The following A2ML1 variants were observed in gnomAD, a reference collection of about 807,000 sequenced individuals.
The protein encoded by A2ML1 is alpha-2-macroglobulin-like protein 1.
In A2ML1, 161 loss-of-function variants were observed where a neutral mutation model predicts 181.9. That is an observed-to-expected ratio of 0.89 (90% CI 0.78 to 1.01). A2ML1 has a LOEUF of 1.01. Among genes scored for constraint, A2ML1 ranks in the 50% least tolerant of loss-of-function variants. A2ML1 has a pLI of 0.00. For synonymous variants in A2ML1, 663 were observed against 666.8 expected (o/e 0.99, Z 0.09); for missense variants, 1,670 against 1,768.1 (o/e 0.94, Z 1.00).
intron 3 of A2ML1, among the ~76,000 whole-genome samples, chr12:8,826,190 T>C (rs1942923559): frequency 6.6e-6 from 1 of 152,190 alleles, no homozygotes; most frequent in Non-Finnish European, 1.5e-5. Flanking sequence ...AATGAACCTG[T>C]AGATTGCCTT....
At position 8,843,368 on chromosome 12, in the gene A2ML1, C is replaced by T; in HGVS notation, c.1476+7C>T. 6.2e-7 allele frequency: 1 copy of T among 1,611,490 alleles called. No homozygotes were observed. Among genetic ancestry groups the T allele is most frequent in the Non-Finnish European group, 8.5e-7 (1 of 1,177,884 alleles). Reference sequence around the variant, plus strand: ...GATCAGCTTCTCCTACTATGTGAGACCGGGAAACGGGGACGGGTGAGAGTA... The same window carrying T: ...GATCAGCTTCTCCTACTATGTGAGATCGGGAAACGGGGACGGGTGAGAGTA... On this transcript the variant is annotated splice_region_variant and intron_variant, in intron 12 of 35. Transcript: ENST00000299698.
At chr12:8,886,010 T>TCACA (rs35294269) in intron 7 of A2ML1, among the ~76,000 whole-genome samples, 7,082 of 144,818 alleles carry the variant, frequency 0.049, 190 homozygotes, top group Middle Eastern at 0.12. Context: ...CAACAATATC[T>TCACA]CACACACACA....
intron 34 of A2ML1, 73 bp downstream of exon 34, chr12:8,874,600 A>T (rs1161724859): frequency 3.4e-6 from 4 of 1,172,118 alleles, no homozygotes; most frequent in Non-Finnish European, 5.0e-6. Flanking sequence ...CTCATTCTTC[A>T]TGGCTTCTCT....
chr12:8,828,120 T>G (rs1317691040), intron 3 of A2ML1, among the ~76,000 whole-genome samples: 1 of 152,110 alleles, frequency 6.6e-6, no homozygotes, highest in African/African-American at 2.4e-5. Context: ...CTGCCCATGT[T>G]TGCTCAAGGC....
rs1944103529 is a variant in A2ML1 at position 8,857,354 on chromosome 12, GTCTT to G, written c.3025+23_3025+26del. The stretch of plus-strand genomic sequence containing the variant: ...TCCTGGAAATAGGTAAGTTGGTTCA[GTCTT>G]TCTTTCTTGAACACTCTCCTCCACT... On this transcript the variant is annotated intron_variant, in intron 24 of 35. Coordinates refer to ENST00000299698, the MANE Select transcript of A2ML1 (RefSeq NM_144670.6). 1.9e-6 allele frequency: 3 copies of G among 1,613,522 alleles called. No individual in the cohort carries two copies. Among genetic ancestry groups the G allele is most frequent in the Non-Finnish European group, 2.5e-6 (3 of 1,179,798 alleles).
intron 18 of A2ML1, among the ~76,000 whole-genome samples, chr12:8,850,573 A>G (rs994720624): frequency 2.0e-5 from 3 of 152,126 alleles, no homozygotes; most frequent in African/African-American, 7.2e-5. Flanking sequence ...ACCCTTCTCA[A>G]AATCAACAAC....
rs1047804070 is a variant in A2ML1, at chr12:8,834,923, C to T, written c.483+241C>T. The T allele has an allele frequency of 1.1e-5, 6 of 541,246 alleles. No individual in the cohort carries two copies. The East Asian group carries it at 1.5e-4, about 14-fold the overall frequency. 33.5% of individuals were successfully genotyped at this position (541,246 alleles called of 1,614,324 possible). A position where few individuals can be genotyped will look rare whatever the true frequency, so the allele number is the denominator to read the frequency against. The stretch of plus-strand genomic sequence containing the variant: ...CAGCCTCTGTAATGACTACACCGCT[C>T]TCTCATTCCCCTAACTTCTCTGTGC... On this transcript the variant is annotated intron_variant, in intron 5 of 35. Coordinates refer to ENST00000299698, the MANE Select transcript of A2ML1 (RefSeq NM_144670.6).
At chr12:8,823,536 G>C (rs969843083) in intron 2 of A2ML1, 171 bp downstream of exon 2, 2 of 1,078,000 alleles carry the variant, frequency 1.9e-6, no homozygotes, top group Middle Eastern at 3.2e-4. Context: ...CGGTTTCCTC[G>C]ACCTAGGATT....
At chr12:8,823,062 A>G (rs1178924424) in intron 1 of A2ML1, 120 bp from the exon 2 acceptor site, 4 of 1,005,114 alleles carry the variant, frequency 4.0e-6, no homozygotes, top group Admixed American at 2.3e-5. Flanking sequence ...TGAGGTGCAT[A>G]AGGAAGGCAG....
chr12:8,848,786 C>G lies in A2ML1; in HGVS notation c.1900C>G (p.Pro634Ala). Residue 634 changes from proline (P) to alanine (A), a missense_variant, in exon 16 of 36, where the codon CCA becomes GCA. By Grantham distance (27) the Pro-to-Ala change is conservative. Transcript: ENST00000299698. ...TCAAGTGGCTGAGTATGATCAGTGT[C>G]CAGTGTCTGGCCCATGGGACTTTCC... ...PYQVAEYDQCPVSGPWDFPQP... is the reference protein window; with the variant it reads ...PYQVAEYDQCAVSGPWDFPQP... The G allele has an allele frequency of 6.2e-7, 1 of 1,614,082 alleles. No individual in the cohort carries two copies. The highest frequency in any genetic ancestry group is 8.5e-7 in the Non-Finnish European group (1 of 1,179,990).
rs1449723526 is a variant in A2ML1, at chr12:8,848,855, C to T, written c.1969C>T (p.Arg657Cys). 5.0e-6 allele frequency: 8 copies of T among 1,614,026 alleles called. 1 individual carries two copies. In the Admixed American group the frequency reaches 1.0e-4, roughly 20 times the overall value. Residue 657 changes from arginine (R) to cysteine (C), a missense_variant, in exon 16 of 36, where the codon CGT (arginine) becomes TGT (cysteine). Arg to Cys is a radical substitution (Grantham distance 180). Coordinates refer to ENST00000299698, the MANE Select transcript of A2ML1 (RefSeq NM_144670.6). ...DPMPQGHSSQ[R>C]SIIWRPSFSE... ...AATGCCCCAAGGGCATTCGAGCCAG[C>T]GTTCCATTATCTGGAGGCCCTCGTT...
At chr12:8,874,912 T>C (rs1281119541) in intron 34 of A2ML1, 59 bp from the exon 35 acceptor site, 2 of 1,566,478 alleles carry the variant, frequency 1.3e-6, no homozygotes, top group South Asian at 1.1e-5. Context: ...TTCTGAAGCA[T>C]TTTCCCTCTG....
At chr12:8,854,050 A>G in intron 20 of A2ML1, 78 bp from the exon 21 acceptor site, 2 of 1,444,960 alleles carry the variant, frequency 1.4e-6, no homozygotes, top group South Asian at 1.7e-5. Flanking sequence ...AGTTTCAGAA[A>G]TGCTGATCCA....
At chr12:8,842,306 CT>C (rs1943509106) in intron 11 of A2ML1, among the ~76,000 whole-genome samples, 1 of 151,956 alleles carries the variant, frequency 6.6e-6, no homozygotes, top group South Asian at 2.1e-4. Flanking sequence ...CAAGCTCCGC[CT>C]CCCCGGTTCA....
Position 8,845,860 on chromosome 12 carries a change from AAAAATAAATAAAATAAAATAAAATAAAAT to A in A2ML1, c.1538-212_1538-184del, listed in dbSNP as rs1464911031. ...GCGAGACTCCGTCTCAAAAAAAAAA[AAAAATAAATAAAATAAAATAAAATAAAAT>A]AAAAAAATTCTTATCCACAGAAGTA... On this transcript the variant is annotated intron_variant, in intron 13 of 35. Transcript: ENST00000299698. Among the ~76,000 whole-genome samples, 733 of 54,612 alleles carry A rather than the reference AAAAATAAATAAAATAAAATAAAATAAAAT, an allele frequency of 0.013. 20 individuals are homozygous for A. The highest frequency in any genetic ancestry group is 0.05 in the African/African-American group (663 of 13,364). 35.8% of individuals were successfully genotyped at this position (54,612 alleles called of 152,430 possible).
chr12:8,833,253 G>A (rs1174239563), intron 4 of A2ML1, among the ~76,000 whole-genome samples: 2 of 152,066 alleles, frequency 1.3e-5, no homozygotes, highest in East Asian at 1.9e-4. Flanking sequence ...GATTATGGGC[G>A]TGAGCCACCA....
At chr12:8,867,352 A>G (rs1056863894) in intron 29 of A2ML1, among the ~76,000 whole-genome samples, 21 of 152,226 alleles carry the variant, frequency 1.4e-4, no homozygotes, top group Admixed American at 1.3e-4. Context: ...GATTTTCTAT[A>G]AAAGCATGCT....
At chr12:8,824,873 A>C (rs1942878562) in intron 3 of A2ML1, among the ~76,000 whole-genome samples, 1 of 152,220 alleles carries the variant, frequency 6.6e-6, no homozygotes, top group Non-Finnish European at 1.5e-5. Flanking sequence ...ATTTTACTTA[A>C]CATAATGACC....
At chr12:8,849,468 G>T (rs1943813788) in intron 16 of A2ML1, among the ~76,000 whole-genome samples, 1 of 152,204 alleles carries the variant, frequency 6.6e-6, no homozygotes, top group South Asian at 2.1e-4. Context: ...GATGAAATAA[G>T]TTTAACTGAA....
Sources: gnomAD v4.1 joint callset for allele counts (sites outside exome capture counted in the v4.1 genomes callset) on GRCh38, gnomAD v4.1.1 for gene constraint, MANE v1.5 for transcripts, NCBI Gene and HGNC (gene_info 2026-07-23, HGNC 2026-07-21) for gene names.